GNG4: variants seen among roughly 807,000 people sequenced by gnomAD.
GNG4 encodes guanine nucleotide-binding protein G(I)/G(S)/G(O) subunit gamma-4.
In GNG4, 4 loss-of-function variants were observed where a neutral mutation model predicts 5.8. That is an observed-to-expected ratio of 0.69 (90% confidence interval 0.34 to 1.57). GNG4 has a LOEUF of 1.57. GNG4 is among the 40% of genes most tolerant of loss of function. GNG4 has a pLI of 0.06. For synonymous variants in GNG4, 29 were observed against 32.9 expected, an observed-to-expected ratio of 0.88 and a Z score of 0.41; for missense variants, 96 against 95.1, an observed-to-expected ratio of 1.01 and a Z score of -0.04.
chr1:235,602,775 T>A (rs562839944), intron 1 of GNG4, among the ~76,000 whole-genome samples: 1 of 152,344 alleles, frequency 6.6e-6, no homozygotes, highest in East Asian at 1.9e-4. Context: ...CAGATAGCAC[T>A]GCTTTTGCAC....
Position 235,549,710 on chromosome 1 carries a change from A to G in GNG4, c.*2399T>C, listed in dbSNP as rs982346983. On this transcript the variant is annotated 3_prime_UTR_variant, in exon 4 of 4. Transcript: ENST00000391854. ...AACTAAGAATGAGTTTTAACAAAAG[A>G]AGCAAGGAACAAAGATGTCCTAAAT... The G allele has an allele frequency of 2.0e-5, 3 of 152,196 alleles. No individual in the cohort carries two copies. The highest frequency in any genetic ancestry group is 7.2e-5 in the African/African-American group (3 of 41,452). The allele number at this position is 152,196 out of a possible 1,614,324, so 9.4% of individuals were successfully genotyped here.
intron 3 of GNG4, 85 bp downstream of exon 3, chr1:235,583,655 A>T: frequency 1.2e-6 from 1 of 838,808 alleles, no homozygotes; most frequent in Non-Finnish European, 2.0e-6. Flanking sequence ...TGACGTGTTA[A>T]CTCTCACAAG....
rs543524297 is a variant in GNG4, at chr1:235,627,501, A to T, written c.-123+22161T>A. ...TTCCCAAAGTGCTGGGATTACAGGCATGAGCCACCGCACCTGGCCGACATA... is the reference window on the plus strand; with the variant it reads ...TTCCCAAAGTGCTGGGATTACAGGCTTGAGCCACCGCACCTGGCCGACATA... On this transcript the variant is annotated intron_variant, in intron 1 of 3. Coordinates refer to ENST00000391854, the MANE Select transcript of GNG4 (RefSeq NM_001098722.2). Among the ~76,000 whole-genome samples, 10 of 152,256 alleles carry T rather than the reference A, an allele frequency of 6.6e-5. No individual in the cohort carries two copies. The South Asian group carries it at 2.1e-3, about 32-fold the overall frequency.
Position 235,642,274 on chromosome 1 carries a change from C to T in GNG4, c.-123+7388G>A, listed in dbSNP as rs1362227601. ...GTAAGCTGCCGCGGTTACTGTGAAGCAGGGCCAAGGCCAGCCCTCCGCCTC... is the reference window on the plus strand; with the variant it reads ...GTAAGCTGCCGCGGTTACTGTGAAGTAGGGCCAAGGCCAGCCCTCCGCCTC... On this transcript the variant is annotated intron_variant, in intron 1 of 3. Transcript: ENST00000391854. This position sits in a 1 kb window ranked among gnomAD's most constrained non-coding sequence, Gnocchi z 4.3. Among the ~76,000 whole-genome samples the T allele has an allele frequency of 1.3e-5, 2 of 152,328 alleles. No homozygotes were observed. Among genetic ancestry groups the T allele is most frequent in the East Asian group, 3.9e-4 (2 of 5,174 alleles).
Position 235,586,291 on chromosome 1 carries a change from A to G in GNG4, c.-10-2443T>C, listed in dbSNP as rs369558519. On this transcript the variant is annotated intron_variant, in intron 2 of 3. Coordinates refer to ENST00000391854, the MANE Select transcript of GNG4 (RefSeq NM_001098722.2). ...CAGAACTGTGCACGCGTTCCTGCAC[A>G]TGTGTTGGTGTGTCCTTGGGTGTGT... Among the ~76,000 whole-genome samples, 17 of 151,684 alleles carry G rather than the reference A, an allele frequency of 1.1e-4. No homozygotes were observed. In the East Asian group the frequency reaches 3.1e-3, roughly 28 times the overall value.
chr1:235,641,724 T>G lies in GNG4; in HGVS notation c.-123+7938A>C, dbSNP rs182289126. 2.0e-3 allele frequency among the ~76,000 whole-genome samples: 311 copies of G among 152,154 alleles called. 2 individuals are homozygous for G. Among genetic ancestry groups the G allele is most frequent in the Middle Eastern group, 0.02 (6 of 294 alleles). On this transcript the variant is annotated intron_variant, in intron 1 of 3. Coordinates refer to ENST00000391854, the MANE Select transcript of GNG4 (RefSeq NM_001098722.2). ...AATAAATAAATAATCTGTGACTCCA[T>G]CAACACTTTCACCTGTTGGCTCCAC...
intron 1 of GNG4, among the ~76,000 whole-genome samples, chr1:235,622,548 T>G (rs1324180294): frequency 6.6e-6 from 1 of 152,038 alleles, no homozygotes; most frequent in Non-Finnish European, 1.5e-5. Flanking sequence ...ACCCCATCTC[T>G]ACTAAAAATA....
At chr1:235,627,466 C>T (rs1353546345) in intron 1 of GNG4, among the ~76,000 whole-genome samples, 4 of 152,106 alleles carry the variant, frequency 2.6e-5, no homozygotes, top group African/African-American at 9.7e-5. Flanking sequence ...TGTAATCTGC[C>T]CGCCTCGGCT....
At chr1:235,552,934 T>TTTTTAGTA (rs1198810859) in intron 3 of GNG4, among the ~76,000 whole-genome samples, 4 of 152,030 alleles carry the variant, frequency 2.6e-5, no homozygotes, top group African/African-American at 4.8e-5. Context: ...AATTTTTGTA[T>TTTTTAGTA]TTTTAGTAGA....
intron 1 of GNG4, among the ~76,000 whole-genome samples, chr1:235,646,565 G>C (rs1188171979): frequency 6.6e-6 from 1 of 152,138 alleles, no homozygotes; most frequent in Non-Finnish European, 1.5e-5. Flanking sequence ...TCGGAGACTG[G>C]GCCTTTGGTG....
chr1:235,633,059 A>G (rs1457984964), intron 1 of GNG4, among the ~76,000 whole-genome samples: 3 of 152,192 alleles, frequency 2.0e-5, no homozygotes, highest in Admixed American at 2.0e-4. Context: ...TACGCCATGC[A>G]TGGAAGAGAG....
At chr1:235,593,942 C>T (rs1037279895) in intron 2 of GNG4, among the ~76,000 whole-genome samples, 1 of 152,258 alleles carries the variant, frequency 6.6e-6, no homozygotes, top group Non-Finnish European at 1.5e-5. Context: ...CAGATTACCC[C>T]AGCTGGCGCG....
At chr1:235,597,623 TG>T (rs1558491494) in intron 1 of GNG4, among the ~76,000 whole-genome samples, 15 of 101,088 alleles carry the variant, frequency 1.5e-4, no homozygotes, top group African/African-American at 2.8e-4. Flanking sequence ...TGTGTGTGTG[TG>T]TGTGTATTTT....
intron 1 of GNG4, among the ~76,000 whole-genome samples, chr1:235,608,809 G>A (rs1177375892): frequency 6.6e-6 from 1 of 151,774 alleles, no homozygotes; most frequent in Non-Finnish European, 1.5e-5. Context: ...TCAGCCTCCT[G>A]AGTAGCTGGG....
chr1:235,631,113 G>C (rs926923088), intron 1 of GNG4, among the ~76,000 whole-genome samples: 2 of 152,122 alleles, frequency 1.3e-5, no homozygotes, highest in Non-Finnish European at 2.9e-5. Context: ...TGGCCAGGCT[G>C]GTCTCCAGCT....
chr1:235,591,881 C>T (rs959704128), intron 2 of GNG4, among the ~76,000 whole-genome samples: 4 of 152,212 alleles, frequency 2.6e-5, no homozygotes, highest in African/African-American at 9.7e-5. Flanking sequence ...CAGCAGAGAA[C>T]CCGTTGTACG....
rs1173091576 is a variant in GNG4 at position 235,648,220 on chromosome 1, A to T, written c.-123+1442T>A. ...GGCCAACAGGAAGTCCATTGTCCTAAATAGTCATTTCAGCCTAACTAACCC... is the reference window on the plus strand; with the variant it reads ...GGCCAACAGGAAGTCCATTGTCCTATATAGTCATTTCAGCCTAACTAACCC... On this transcript the variant is annotated intron_variant, in intron 1 of 3. Transcript: ENST00000391854. This position sits in a 1 kb window ranked among gnomAD's most constrained non-coding sequence, Gnocchi z 5.0. Among the ~76,000 whole-genome samples the T allele has an allele frequency of 1.3e-5, 2 of 152,116 alleles. No individual in the cohort carries two copies. The highest frequency in any genetic ancestry group is 4.8e-5 in the African/African-American group (2 of 41,410).
At chr1:235,611,373 C>T (rs1002820040) in intron 1 of GNG4, among the ~76,000 whole-genome samples, 6 of 151,980 alleles carry the variant, frequency 3.9e-5, no homozygotes, top group Non-Finnish European at 4.4e-5. Flanking sequence ...CAGGGTCTTG[C>T]CATGTTGCCC....
At chr1:235,556,889 G>T (rs1261609171) in intron 3 of GNG4, among the ~76,000 whole-genome samples, 4 of 151,840 alleles carry the variant, frequency 2.6e-5, no homozygotes, top group Non-Finnish European at 5.9e-5. Context: ...ATCAGACACA[G>T]GATTCTCATA....
Sources: allele counts gnomAD v4.1 joint callset (sites outside exome capture counted in the v4.1 genomes callset), GRCh38; gene constraint gnomAD v4.1.1; non-coding constraint Gnocchi (gnomAD v3.1); transcripts MANE v1.5; gene names NCBI Gene and HGNC (gene_info 2026-07-23, HGNC 2026-07-21).